Variants in NALF1 observed in about 807,000 individuals in gnomAD.
The protein encoded by NALF1 is family with sequence similarity 155 member A.
In NALF1, 3 loss-of-function variants were observed where a neutral mutation model predicts 48.4. The observed-to-expected ratio is 0.06, with a 90% CI of 0.03 to 0.16. NALF1 has a LOEUF of 0.16. Ranked by LOEUF, NALF1 falls within the 10% of genes least tolerant of loss-of-function variation. The probability of loss-of-function intolerance (pLI) is 1.00; values close to 1 mark genes in which losing one functional copy is unlikely to be tolerated. For missense variants in NALF1, 526 were observed against 571.5 expected, an observed-to-expected ratio of 0.92 and a Z score of 0.81; for synonymous variants, 262 against 245.7, an observed-to-expected ratio of 1.07 and a Z score of -0.62.
chr13:107,839,540 G>C (rs1178572381), intron 1 of NALF1, among the ~76,000 whole-genome samples: 1 of 150,308 alleles, frequency 6.7e-6, no homozygotes, highest in Non-Finnish European at 1.5e-5. Context: ...TCCACTGTCT[G>C]ATATAAGTTC....
At chr13:107,275,175 T>C (rs900312492) in intron 1 of NALF1, among the ~76,000 whole-genome samples, 18 of 152,172 alleles carry the variant, frequency 1.2e-4, no homozygotes, top group Non-Finnish European at 2.1e-4. Context: ...TTAAGTGTTA[T>C]TCTATTAACT....
intron 1 of NALF1, among the ~76,000 whole-genome samples, chr13:107,541,209 A>T (rs2139119444): frequency 6.6e-6 from 1 of 152,242 alleles, no homozygotes; most frequent in African/African-American, 2.4e-5. Flanking sequence ...GTTTGAAAAC[A>T]CATTTTTGTT....
intron 1 of NALF1, among the ~76,000 whole-genome samples, chr13:107,739,259 G>A (rs1876557748): frequency 6.6e-6 from 1 of 151,592 alleles, no homozygotes; most frequent in Non-Finnish European, 1.5e-5. Context: ...AAACCACCAT[G>A]GCACATGTAT....
intron 1 of NALF1, among the ~76,000 whole-genome samples, chr13:107,513,691 C>T (rs1466292147): frequency 6.6e-6 from 1 of 152,164 alleles, no homozygotes; most frequent in African/African-American, 2.4e-5. Flanking sequence ...AGCACTAGCG[C>T]TGGCAGGTCT....
chr13:107,164,675 C>G lies in NALF1; in HGVS notation c.*5822G>C, dbSNP rs912736340. Reference sequence around the variant, plus strand: ...GAGTGGAAATCGAAAATAGCCAATGCTGTTTATATTAAAAGTCATCAGAGC... The same window carrying G: ...GAGTGGAAATCGAAAATAGCCAATGGTGTTTATATTAAAAGTCATCAGAGC... On this transcript the variant is annotated 3_prime_UTR_variant, in exon 3 of 3. Transcript: ENST00000375915. 5.3e-5 allele frequency: 8 copies of G among 151,842 alleles called. No individual in the cohort carries two copies. The highest frequency in any genetic ancestry group is 1.9e-4 in the African/African-American group (8 of 41,332). 9.4% of individuals were successfully genotyped at this position (151,842 alleles called of 1,614,324 possible). A position where few individuals can be genotyped will look rare whatever the true frequency, so the allele number is the denominator to read the frequency against.
intron 1 of NALF1, among the ~76,000 whole-genome samples, chr13:107,563,882 C>G (rs1241331388): frequency 1.3e-5 from 2 of 152,194 alleles, no homozygotes; most frequent in Non-Finnish European, 2.9e-5. Flanking sequence ...AATTAATCCA[C>G]TATGAATATG....
chr13:107,813,242 T>C lies in NALF1; in HGVS notation c.915+52440A>G, dbSNP rs561593531. ...ATTTCCCCATAGCAAATTATCACAG[T>C]GAACAATGAAACCAAAGCTATAATT... On this transcript the variant is annotated intron_variant, in intron 1 of 2. Coordinates refer to ENST00000375915, the MANE Select transcript of NALF1 (RefSeq NM_001080396.3). Among the ~76,000 whole-genome samples the C allele has an allele frequency of 1.2e-3, 190 of 152,274 alleles. No homozygotes were observed. In the Middle Eastern group the frequency reaches 0.02, roughly 16 times the overall value.
chr13:107,567,973 TTTA>T (rs1566396602), intron 1 of NALF1, among the ~76,000 whole-genome samples: 1 of 152,222 alleles, frequency 6.6e-6, no homozygotes. Context: ...TCTCTTTTTA[TTTA>T]TTGTTTATTT....
At chr13:107,807,448 C>A (rs1878833575) in intron 1 of NALF1, among the ~76,000 whole-genome samples, 1 of 152,154 alleles carries the variant, frequency 6.6e-6, no homozygotes, top group African/African-American at 2.4e-5. Context: ...ATTTTCAATG[C>A]TGATGAGCAT....
chr13:107,208,331 G>A (rs1410478974), intron 2 of NALF1, among the ~76,000 whole-genome samples: 3 of 152,054 alleles, frequency 2.0e-5, no homozygotes, highest in East Asian at 1.9e-4. Context: ...CCTTAATGAC[G>A]TAGCTATGTC....
chr13:107,508,119 A>C (rs1255285803), intron 1 of NALF1, among the ~76,000 whole-genome samples: 1 of 152,166 alleles, frequency 6.6e-6, no homozygotes. Flanking sequence ...GAAACATGAA[A>C]TATATTATGT....
At chr13:107,259,808 A>G (rs1009821431) in intron 1 of NALF1, among the ~76,000 whole-genome samples, 5 of 152,216 alleles carry the variant, frequency 3.3e-5, no homozygotes, top group Admixed American at 6.5e-5. Context: ...TACAGCAGCT[A>G]CTTGAAAGCG....
At chr13:107,575,996 A>ATG (rs1409172317) in intron 1 of NALF1, among the ~76,000 whole-genome samples, 4 of 67,524 alleles carry the variant, frequency 5.9e-5, no homozygotes, top group Non-Finnish European at 1.9e-4. Context: ...GTGTGCATGT[A>ATG]TATGTGTGTG....
At chr13:107,342,487 C>T (rs953213292) in intron 1 of NALF1, among the ~76,000 whole-genome samples, 1 of 152,046 alleles carries the variant, frequency 6.6e-6, no homozygotes, top group Non-Finnish European at 1.5e-5. Context: ...CAGCCCAAAA[C>T]CTTTATGAGA....
intron 1 of NALF1, among the ~76,000 whole-genome samples, chr13:107,752,880 T>TA (rs1876978430): frequency 6.6e-6 from 1 of 152,164 alleles, no homozygotes; most frequent in Non-Finnish European, 1.5e-5. Flanking sequence ...ATTATACGTA[T>TA]AAAAAACAGA....
intron 2 of NALF1, among the ~76,000 whole-genome samples, chr13:107,175,319 C>T (rs1878905111): frequency 6.6e-6 from 1 of 152,064 alleles, no homozygotes; most frequent in Non-Finnish European, 1.5e-5. Flanking sequence ...TCCACCCAGT[C>T]TTCCTTATTT....
At chr13:107,752,578 G>A (rs755226975) in intron 1 of NALF1, among the ~76,000 whole-genome samples, 1 of 152,060 alleles carries the variant, frequency 6.6e-6, no homozygotes, top group Admixed American at 6.6e-5. Flanking sequence ...TGAATCTGCA[G>A]GGTATTATAA....
At chr13:107,274,944 A>T (rs914013417) in intron 1 of NALF1, among the ~76,000 whole-genome samples, 2 of 152,188 alleles carry the variant, frequency 1.3e-5, no homozygotes, top group African/African-American at 2.4e-5. Flanking sequence ...GCACAATACT[A>T]CTTCATGACT....
rs1878734935 is a variant in NALF1 at position 107,169,141 on chromosome 13, A to C, written c.*1356T>G. On this transcript the variant is annotated 3_prime_UTR_variant, in exon 3 of 3. Transcript: ENST00000375915. ...AAAATAAAATACAAACAGTGATCAG[A>C]CCTCTTTTCCTCAACTACCTAGAGC... 1 of 152,480 alleles carries C rather than the reference A, an allele frequency of 6.6e-6. No homozygotes were observed. 9.4% of individuals were successfully genotyped at this position (152,480 alleles called of 1,614,324 possible).
Sources: gnomAD v4.1 joint callset for allele counts (sites outside exome capture counted in the v4.1 genomes callset) on GRCh38, gnomAD v4.1.1 for gene constraint, MANE v1.5 for transcripts, NCBI Gene and HGNC (gene_info 2026-07-23, HGNC 2026-07-21) for gene names.